Variants in ZEB1 observed in about 807,000 individuals in gnomAD.
ZEB1 encodes zinc finger E-box binding homeobox 1.
A neutral mutation model predicts 84.9 loss-of-function variants in ZEB1; 21 were observed. That is an observed-to-expected ratio of 0.25 (90% CI 0.18 to 0.36). The LOEUF (loss-of-function observed/expected upper bound fraction) is 0.36, where lower values mean the gene tolerates loss of function less well. Ranked by LOEUF, ZEB1 falls within the 10% of genes least tolerant of loss-of-function variation. The pLI, the probability that ZEB1 is intolerant of heterozygous loss-of-function variation, is 1.00. For missense variants in ZEB1, 1,104 were observed against 1,330.2 expected (o/e 0.83, Z 2.65); for synonymous variants, 420 against 471.1 (o/e 0.89, Z 1.41).
chr10:31,321,737 A>C (rs1409556122), intron 1 of ZEB1: 6 of 683,886 alleles, frequency 8.8e-6, no homozygotes. Flanking sequence ...TGAATATTAC[A>C]CTCGTAAGGC....
At chr10:31,438,104 C>T (rs1413719296) in intron 1 of ZEB1, among the ~76,000 whole-genome samples, 2 of 152,210 alleles carry the variant, frequency 1.3e-5, no homozygotes, top group African/African-American at 2.4e-5. Context: ...TGGGGATGCT[C>T]ATTGCCCTTG....
intron 1 of ZEB1, among the ~76,000 whole-genome samples, chr10:31,366,624 C>T (rs1250538211): frequency 6.6e-6 from 1 of 152,194 alleles, no homozygotes; most frequent in Admixed American, 6.5e-5. Context: ...GGCAAATATT[C>T]AACGTACTGT....
At chr10:31,486,954 AG>A (rs1328134570) in intron 2 of ZEB1, among the ~76,000 whole-genome samples, 2 of 151,378 alleles carry the variant, frequency 1.3e-5, no homozygotes, top group Non-Finnish European at 3.0e-5. Context: ...TGTTAGATTG[AG>A]GTGAAGTTTC....
chr10:31,433,119 A>G (rs1274110439), intron 1 of ZEB1, among the ~76,000 whole-genome samples: 1 of 152,226 alleles, frequency 6.6e-6, no homozygotes, highest in Non-Finnish European at 1.5e-5. Context: ...TAGTTACATT[A>G]AAAAATCACT....
chr10:31,429,940 C>T (rs1037710153), intron 1 of ZEB1, among the ~76,000 whole-genome samples: 2 of 151,862 alleles, frequency 1.3e-5, no homozygotes, highest in Non-Finnish European at 2.9e-5. Flanking sequence ...AGGGTTTCAC[C>T]ATGTTGGACA....
At chr10:31,508,743 T>C (rs1386109493) in intron 4 of ZEB1, among the ~76,000 whole-genome samples, 1 of 151,948 alleles carries the variant, frequency 6.6e-6, no homozygotes, top group African/African-American at 2.4e-5. Flanking sequence ...ACATCAGTGG[T>C]TGCACTGTGG....
At chr10:31,362,973 A>G in intron 1 of ZEB1, 6 of 1,533,998 alleles carry the variant, frequency 3.9e-6, no homozygotes, top group Non-Finnish European at 5.2e-6. Context: ...GTGCCTCAGG[A>G]GATAGACATG....
At position 31,362,911 on chromosome 10, in the gene ZEB1, A is replaced by G. The variant is rs777140408; in HGVS notation, c.58+43619A>G. On this transcript the variant is annotated intron_variant, in intron 1 of 8. Coordinates refer to ENST00000424869, the MANE Select transcript of ZEB1 (RefSeq NM_001174096.2). ...ACTTAACACTCTCATGTTCTTACGC[A>G]TGTTGCCATGCTGGAGGCGTCCTTC... 4 of 1,463,446 alleles carry G rather than the reference A, an allele frequency of 2.7e-6. No individual in the cohort carries two copies. The South Asian group carries it at 3.6e-5, about 13-fold the overall frequency. 90.7% of individuals were successfully genotyped at this position (1,463,446 alleles called of 1,614,324 possible).
In ZEB1 at chr10:31,346,968, G is replaced by C. The variant is rs572568429; in HGVS notation, c.58+27676G>C. 3.3e-5 allele frequency among the ~76,000 whole-genome samples: 5 copies of C among 152,226 alleles called. No individual in the cohort carries two copies. In the South Asian group the frequency reaches 1.0e-3, roughly 32 times the overall value. ...AAAGCTTTGATAAGTGAGATGTGGTGCTTTAAAGGAGGACTTTCCTTTAGT... is the reference window on the plus strand; with the variant it reads ...AAAGCTTTGATAAGTGAGATGTGGTCCTTTAAAGGAGGACTTTCCTTTAGT... On this transcript the variant is annotated intron_variant, in intron 1 of 8. Coordinates refer to ENST00000424869, the MANE Select transcript of ZEB1 (RefSeq NM_001174096.2).
intron 1 of ZEB1, among the ~76,000 whole-genome samples, chr10:31,409,918 A>G (rs565344739): frequency 2.6e-5 from 4 of 152,306 alleles, no homozygotes; most frequent in South Asian, 4.1e-4. Context: ...GGCTGAGACA[A>G]TGAGGTTTTC....
intron 1 of ZEB1, chr10:31,373,209 G>A: frequency 1.0e-6 from 1 of 985,208 alleles, no homozygotes; most frequent in Non-Finnish European, 1.2e-6. Context: ...GTGTGTGTGT[G>A]TGTGTGTGTA....
intron 1 of ZEB1, among the ~76,000 whole-genome samples, chr10:31,447,684 G>A (rs1256233438): frequency 6.7e-6 from 1 of 150,236 alleles, no homozygotes; most frequent in Non-Finnish European, 1.5e-5. Flanking sequence ...AGCTTAGTTT[G>A]GCTGGATATG....
chr10:31,430,986 C>T (rs2057642597), intron 1 of ZEB1, among the ~76,000 whole-genome samples: 1 of 152,122 alleles, frequency 6.6e-6, no homozygotes, highest in Admixed American at 6.5e-5. Flanking sequence ...TTGTAAGGCC[C>T]AAATCAGTAC....
chr10:31,397,545 A>G lies in ZEB1; in HGVS notation c.59-63492A>G, dbSNP rs1341766511. Among the ~76,000 whole-genome samples, 6 of 152,290 alleles carry G rather than the reference A, an allele frequency of 3.9e-5. No homozygotes were observed. The East Asian group carries it at 7.7e-4, about 20-fold the overall frequency. ...AATACAAAGAATTTTCAATGTGTCCAGCTTCAGTCCTGAAATTTGACTTAC... is the reference window on the plus strand; with the variant it reads ...AATACAAAGAATTTTCAATGTGTCCGGCTTCAGTCCTGAAATTTGACTTAC... On this transcript the variant is annotated intron_variant, in intron 1 of 8. Coordinates refer to ENST00000424869, the MANE Select transcript of ZEB1 (RefSeq NM_001174096.2).
At chr10:31,492,212 T>C (rs1278002097) in intron 2 of ZEB1, among the ~76,000 whole-genome samples, 2 of 151,876 alleles carry the variant, frequency 1.3e-5, no homozygotes, top group Non-Finnish European at 2.9e-5. Flanking sequence ...CTTAAGACTT[T>C]TCAACTTTAC....
intron 1 of ZEB1, among the ~76,000 whole-genome samples, chr10:31,387,528 G>T (rs1435598589): frequency 6.6e-6 from 1 of 152,100 alleles, no homozygotes; most frequent in Non-Finnish European, 1.5e-5. Flanking sequence ...AGTTTAGTCT[G>T]CATTTATTCA....
chr10:31,440,873 A>G (rs896307572), intron 1 of ZEB1, among the ~76,000 whole-genome samples: 2 of 152,228 alleles, frequency 1.3e-5, no homozygotes, highest in African/African-American at 4.8e-5. Flanking sequence ...CTCTTCAAGG[A>G]GAACTACAAA....
chr10:31,360,225 C>T (rs930639262), intron 1 of ZEB1, among the ~76,000 whole-genome samples: 1 of 152,036 alleles, frequency 6.6e-6, no homozygotes, highest in African/African-American at 2.4e-5. Flanking sequence ...TGGCAGTGTT[C>T]CAGGTAGTTA....
In ZEB1 at chr10:31,529,762, AAC is replaced by A. The variant is rs1211066984; in HGVS notation, c.*2501_*2502del. On this transcript the variant is annotated 3_prime_UTR_variant, in exon 9 of 9. Transcript: ENST00000424869. Reference sequence around the variant, plus strand: ...GATTATTTTCTTATAAGTCTTATTAAACACTAGTCATAATAGACACAATAAAT... The same window carrying A: ...GATTATTTTCTTATAAGTCTTATTAAACTAGTCATAATAGACACAATAAAT... 6.6e-6 allele frequency: 1 copy of A among 152,216 alleles called. No homozygotes were observed. Among genetic ancestry groups the A allele is most frequent in the African/African-American group, 2.4e-5 (1 of 41,464 alleles). The allele number at this position is 152,216 out of a possible 1,614,324, so 9.4% of individuals were successfully genotyped here.
Sources: allele counts gnomAD v4.1 joint callset (sites outside exome capture counted in the v4.1 genomes callset), GRCh38; gene constraint gnomAD v4.1.1; transcripts MANE v1.5; gene names NCBI Gene and HGNC (gene_info 2026-07-23, HGNC 2026-07-21).